The following CACUL1 variants were observed in gnomAD, a reference collection of about 807,000 sequenced individuals.
The protein encoded by CACUL1 is CDK2 associated cullin domain 1, also known as CDK2-associated and cullin domain-containing protein 1.
Under a neutral mutation model 45.2 loss-of-function variants are expected in CACUL1, and 13 were observed. The observed-to-expected ratio is 0.29, with a 90% CI of 0.19 to 0.46. CACUL1 has a LOEUF of 0.46. CACUL1 is among the 20% of genes least tolerant of loss of function. The probability of loss-of-function intolerance (pLI) is 1.00; values close to 1 mark genes in which losing one functional copy is unlikely to be tolerated. For missense variants in CACUL1, 421 were observed against 471.4 expected, an observed-to-expected ratio of 0.89 and a Z score of 0.99; for synonymous variants, 197 against 174.2, an observed-to-expected ratio of 1.13 and a Z score of -1.03.
At chr10:118,702,187 T>C (rs888397686) in intron 4 of CACUL1, among the ~76,000 whole-genome samples, 3 of 152,152 alleles carry the variant, frequency 2.0e-5, no homozygotes, top group Non-Finnish European at 4.4e-5. Flanking sequence ...ACAACCCCTT[T>C]GACTGTAATT....
Position 118,754,963 on chromosome 10 carries a change from G to C in CACUL1, c.-201C>G. 3.3e-6 allele frequency: 2 copies of C among 610,540 alleles called. No homozygotes were observed. Among genetic ancestry groups the C allele is most frequent in the Non-Finnish European group, 5.2e-6 (2 of 382,086 alleles). 37.8% of individuals were successfully genotyped at this position (610,540 alleles called of 1,614,324 possible). A position where few individuals can be genotyped will look rare whatever the true frequency, so the allele number is the denominator to read the frequency against. ...CGCGGCTGACGGCGGTGGGCGCTCC[G>C]GGGCTCTAGTCTGGGAGAGGCAGCC... is the stretch of plus-strand genomic sequence containing the variant. On this transcript the variant is annotated 5_prime_UTR_variant, in exon 1 of 9. Coordinates refer to ENST00000369151, the MANE Select transcript of CACUL1 (RefSeq NM_153810.5).
chr10:118,724,174 G>A (rs1468034383), intron 3 of CACUL1, among the ~76,000 whole-genome samples: 2 of 152,108 alleles, frequency 1.3e-5, no homozygotes, highest in Non-Finnish European at 2.9e-5. Flanking sequence ...CAGATTTAAT[G>A]AGCCTTATAC....
chr10:118,728,148 GA>G (rs1052080836), intron 3 of CACUL1, among the ~76,000 whole-genome samples: 2 of 151,462 alleles, frequency 1.3e-5, no homozygotes, highest in African/African-American at 4.9e-5. Context: ...ACTGTTTGGG[GA>G]AAAAAAACAC....
chr10:118,716,884 G>A (rs1010127957), intron 3 of CACUL1, among the ~76,000 whole-genome samples: 8 of 152,306 alleles, frequency 5.3e-5, no homozygotes, highest in Admixed American at 2.0e-4. Flanking sequence ...TTACAGACGT[G>A]AGCCAACGAG....
chr10:118,711,656 C>T (rs1048562477), intron 3 of CACUL1, among the ~76,000 whole-genome samples: 1 of 152,118 alleles, frequency 6.6e-6, no homozygotes, highest in African/African-American at 2.4e-5. Flanking sequence ...AAACATTGAT[C>T]AAAAAGTACA....
chr10:118,736,284 T>C (rs945227283), intron 1 of CACUL1, among the ~76,000 whole-genome samples: 5 of 152,206 alleles, frequency 3.3e-5, no homozygotes, highest in Admixed American at 6.5e-5. Context: ...TGTGTTTATG[T>C]TTTAAGCTAA....
chr10:118,744,249 G>A (rs1199712906), intron 1 of CACUL1, among the ~76,000 whole-genome samples: 1 of 152,176 alleles, frequency 6.6e-6, no homozygotes, highest in Admixed American at 6.5e-5. Context: ...AGCCGGGCAT[G>A]GTGGCGCATG....
intron 1 of CACUL1, among the ~76,000 whole-genome samples, chr10:118,736,448 C>T (rs1199294062): frequency 1.3e-5 from 2 of 151,582 alleles, no homozygotes; most frequent in East Asian, 3.9e-4. Flanking sequence ...TACAGTGGTG[C>T]AATCTCAGCT....
At chr10:118,691,884 A>G (rs10886286) in intron 6 of CACUL1, among the ~76,000 whole-genome samples, 6,052 of 150,492 alleles carry the variant, frequency 0.04, 201 homozygotes, top group Middle Eastern at 0.066. Flanking sequence ...AAAAAAAAAA[A>G]AAAAAAGAAA....
At chr10:118,714,672 A>G (rs1186916636) in intron 3 of CACUL1, among the ~76,000 whole-genome samples, 3 of 152,182 alleles carry the variant, frequency 2.0e-5, no homozygotes, top group Non-Finnish European at 4.4e-5. Context: ...AATTCATACA[A>G]TCACATAAGC....
intron 7 of CACUL1, 134 bp downstream of exon 7, chr10:118,691,131 T>TTTA: frequency 1.4e-6 from 1 of 726,616 alleles, no homozygotes; most frequent in Non-Finnish European, 2.3e-6. Flanking sequence ...AAGGAGCTAA[T>TTTA]GTCTTCTTGC....
In CACUL1 at chr10:118,739,189, C is replaced by A. The variant is rs562526055; in HGVS notation, c.368-8779G>T. Among the ~76,000 whole-genome samples, 9 of 143,314 alleles carry A rather than the reference C, an allele frequency of 6.3e-5. No homozygotes were observed. The South Asian group carries it at 1.9e-3, about 31-fold the overall frequency. 94.0% of individuals were successfully genotyped at this position (143,314 alleles called of 152,430 possible). On this transcript the variant is annotated intron_variant, in intron 1 of 8. Coordinates refer to ENST00000369151, the MANE Select transcript of CACUL1 (RefSeq NM_153810.5). Reference sequence around the variant, plus strand: ...CCAGCCTGGGTGACAGAGACTCCTCCGTCTCAAAAAAAAAAAAAGGTCAGT... The same window carrying A: ...CCAGCCTGGGTGACAGAGACTCCTCAGTCTCAAAAAAAAAAAAAGGTCAGT...
chr10:118,701,528 C>A, intron 4 of CACUL1, 120 bp from the exon 5 acceptor site: 1 of 491,074 alleles, frequency 2.0e-6, no homozygotes, highest in South Asian at 4.3e-5. Context: ...AGCAGAAAAA[C>A]TCAACATCCA....
intron 1 of CACUL1, among the ~76,000 whole-genome samples, chr10:118,734,695 G>A (rs2119652058): frequency 6.6e-6 from 1 of 152,268 alleles, no homozygotes; most frequent in East Asian, 1.9e-4. Context: ...AGAGGTTCAA[G>A]AAATTTTAAA....
rs374271523 is a variant in CACUL1 at position 118,704,916 on chromosome 10, T to C, written c.693+2576A>G. ...GGAACTGCCAAATGCGGGTACAAGC[T>C]GTAACACAGGCGAGCTGGGGCACAT... On this transcript the variant is annotated intron_variant, in intron 4 of 8. Transcript: ENST00000369151. 5.4e-4 allele frequency among the ~76,000 whole-genome samples: 82 copies of C among 152,348 alleles called. 4 individuals carry two copies. The South Asian group carries it at 0.016, about 29-fold the overall frequency.
intron 3 of CACUL1, among the ~76,000 whole-genome samples, chr10:118,712,166 C>T (rs1302437126): frequency 6.6e-6 from 1 of 152,230 alleles, no homozygotes. Flanking sequence ...AGAAACCCCT[C>T]TGGCAGGTGG....
At chr10:118,693,448 C>T (rs1845291281) in intron 6 of CACUL1, 1 of 181,900 alleles carries the variant, frequency 5.5e-6, no homozygotes, top group South Asian at 1.1e-4. Flanking sequence ...TTCAAAAGGA[C>T]AATTCTCAAA....
At chr10:118,728,096 C>CT (rs1845667812) in intron 3 of CACUL1, among the ~76,000 whole-genome samples, 1 of 151,820 alleles carries the variant, frequency 6.6e-6, no homozygotes, top group Non-Finnish European at 1.5e-5. Flanking sequence ...AAACACAGCT[C>CT]TATCATTTGA....
intron 1 of CACUL1, among the ~76,000 whole-genome samples, chr10:118,751,143 G>T (rs1845894294): frequency 6.6e-6 from 1 of 152,138 alleles, no homozygotes. Context: ...TCTTGTTGAT[G>T]TATAGTAAGT....
Sources: gnomAD v4.1 joint callset for allele counts (sites outside exome capture counted in the v4.1 genomes callset) on GRCh38, gnomAD v4.1.1 for gene constraint, MANE v1.5 for transcripts, NCBI Gene and HGNC (gene_info 2026-07-23, HGNC 2026-07-21) for gene names.